The following PRIM2 variants were observed in gnomAD, a reference collection of about 807,000 sequenced individuals.
The protein encoded by PRIM2 is DNA primase subunit 2.
A neutral mutation model predicts 67.3 loss-of-function variants in PRIM2; 39 were observed. That is an observed-to-expected ratio of 0.58 (90% CI 0.45 to 0.76). PRIM2 has a LOEUF of 0.76. Among genes scored for constraint, PRIM2 ranks in the 30% least tolerant of loss-of-function variants. The pLI is 0.00. For synonymous variants in PRIM2, 143 were observed against 198.7 expected (o/e 0.72, Z 2.36); for missense variants, 398 against 598.7 (o/e 0.66, Z 3.50).
intron 11 of PRIM2, among the ~76,000 whole-genome samples, chr6:57,602,212 A>G (rs1194423252): frequency 6.6e-6 from 1 of 152,048 alleles, no homozygotes; most frequent in Non-Finnish European, 1.5e-5. Flanking sequence ...GGCACCTGCC[A>G]CCCTGCCCAG....
At chr6:57,271,185 C>G in the PRIM2 span, among the ~76,000 whole-genome samples, 1 of 152,086 alleles carries the variant, frequency 6.6e-6, no homozygotes, top group South Asian at 2.1e-4. Context: ...ATTCATTGGA[C>G]TAGTTTCAGA....
At chr6:57,485,201 T>C (rs1281720310) in intron 7 of PRIM2, among the ~76,000 whole-genome samples, 15 of 151,838 alleles carry the variant, frequency 9.9e-5, no homozygotes, top group Admixed American at 8.5e-4. Flanking sequence ...TTCACATCCT[T>C]CTGGCCACCG....
rs547521754 is a variant in PRIM2, at chr6:57,390,443, A to G, written c.693+8275A>G. On this transcript the variant is annotated intron_variant, in intron 7 of 13. Coordinates refer to ENST00000615550, the MANE Select transcript of PRIM2 (RefSeq NM_000947.5). ...ACATGCGAAGGTTTGTTACATAGGT[A>G]AACTCATGTCATGGGGGCTTGTTGT... is the stretch of plus-strand genomic sequence containing the variant. Among the ~76,000 whole-genome samples, 94 of 152,118 alleles carry G rather than the reference A, an allele frequency of 6.2e-4. 3 individuals are homozygous for G. The highest frequency in any genetic ancestry group is 4.4e-3 in the South Asian group (21 of 4,802).
At chr6:57,589,244 G>A (rs1263037903) in intron 10 of PRIM2, among the ~76,000 whole-genome samples, 1 of 152,062 alleles carries the variant, frequency 6.6e-6, no homozygotes. Context: ...TCCTTTCTGT[G>A]GTCAGGAAAG....
chr6:57,566,974 A>G (rs1775755437), intron 10 of PRIM2, among the ~76,000 whole-genome samples: 1 of 152,132 alleles, frequency 6.6e-6, no homozygotes, highest in African/African-American at 2.4e-5. Flanking sequence ...TATCTGTCCT[A>G]AAGGGTTGTT....
chr6:57,352,536 G>A (rs1171721037), intron 5 of PRIM2, among the ~76,000 whole-genome samples: 2 of 152,146 alleles, frequency 1.3e-5, no homozygotes, highest in Non-Finnish European at 2.9e-5. Context: ...ACCACGCCCG[G>A]CCTATTAAAG....
chr6:57,345,869 C>T (rs574472169), intron 5 of PRIM2, among the ~76,000 whole-genome samples: 5 of 152,244 alleles, frequency 3.3e-5, no homozygotes, highest in South Asian at 4.1e-4. Context: ...GGACAATTCC[C>T]GGAACTCTGG....
At chr6:57,513,809 G>A (rs1476313111) in intron 8 of PRIM2, among the ~76,000 whole-genome samples, 1 of 152,178 alleles carries the variant, frequency 6.6e-6, no homozygotes, top group Non-Finnish European at 1.5e-5. Context: ...AGGAGGCAGA[G>A]GTTGTAGTGA....
chr6:57,331,767 A>G (rs1768064773), intron 5 of PRIM2, among the ~76,000 whole-genome samples: 1 of 151,606 alleles, frequency 6.6e-6, no homozygotes, highest in South Asian at 2.1e-4. Flanking sequence ...TTCCTTCCTG[A>G]TTTTAACAAT....
chr6:57,544,802 G>C (rs1299649704), intron 10 of PRIM2, among the ~76,000 whole-genome samples: 2 of 152,166 alleles, frequency 1.3e-5, no homozygotes, highest in African/African-American at 4.8e-5. Flanking sequence ...ACCTAGAACA[G>C]TGCCTGACTC....
chr6:57,292,673 G>A, the PRIM2 span, among the ~76,000 whole-genome samples: 5 of 152,198 alleles, frequency 3.3e-5, no homozygotes, highest in East Asian at 3.9e-4. Context: ...AGAGGCCTCC[G>A]AAATAACACC....
chr6:57,429,994 A>C (rs1771764404), intron 7 of PRIM2, among the ~76,000 whole-genome samples: 1 of 152,084 alleles, frequency 6.6e-6, no homozygotes, highest in Admixed American at 6.5e-5. Flanking sequence ...ATTGTTTCTT[A>C]TTTTAGTTCA....
chr6:57,606,485 G>C (rs1475149836), intron 12 of PRIM2, 28 bp downstream of exon 12: 2 of 1,534,056 alleles, frequency 1.3e-6, no homozygotes, highest in African/African-American at 2.7e-5. Context: ...CTCTGCATCT[G>C]CAGTAACGAG....
In PRIM2 at chr6:57,336,916, A is replaced by T. The variant is rs537376609; in HGVS notation, c.459+10871A>T. Among the ~76,000 whole-genome samples the T allele has an allele frequency of 1.1e-4, 17 of 152,206 alleles. No individual in the cohort carries two copies. The South Asian group carries it at 3.3e-3, about 30-fold the overall frequency. On this transcript the variant is annotated intron_variant, in intron 5 of 13. Transcript: ENST00000615550. The stretch of plus-strand genomic sequence containing the variant: ...TCCAATTAAAAGACACAGACTGGCA[A>T]ATTGGATAAAGAGTCAAGACCCATC...
chr6:57,380,185 G>A (rs556262138), intron 6 of PRIM2, among the ~76,000 whole-genome samples, 189 bp downstream of exon 6: 4 of 152,192 alleles, frequency 2.6e-5, no homozygotes, highest in East Asian at 1.9e-4. Flanking sequence ...TTCCACGGAC[G>A]CATTCCCAAC....
intron 8 of PRIM2, among the ~76,000 whole-genome samples, chr6:57,528,191 A>C (rs1248270364): frequency 1.2e-4 from 18 of 148,650 alleles, no homozygotes; most frequent in Non-Finnish European, 2.4e-4. Flanking sequence ...CTGATCTCTA[A>C]CTCCTGGGCT....
At chr6:57,366,141 G>A (rs1769351070) in intron 5 of PRIM2, among the ~76,000 whole-genome samples, 1 of 152,146 alleles carries the variant, frequency 6.6e-6, no homozygotes, top group African/African-American at 2.4e-5. Context: ...CTATGCCTAA[G>A]GAAATCTGGT....
chr6:57,536,897 A>G (rs2127469840), intron 9 of PRIM2, among the ~76,000 whole-genome samples: 1 of 152,304 alleles, frequency 6.6e-6, no homozygotes, highest in African/African-American at 2.4e-5. Flanking sequence ...TGGTGACAGA[A>G]CTGTTCTGCA....
chr6:57,640,232 A>C (rs1175592884), intron 13 of PRIM2, among the ~76,000 whole-genome samples: 1 of 152,190 alleles, frequency 6.6e-6, no homozygotes, highest in Non-Finnish European at 1.5e-5. Flanking sequence ...GATGGCACAT[A>C]TCTCAAAATA....
Sources: allele counts gnomAD v4.1 joint callset (sites outside exome capture counted in the v4.1 genomes callset), GRCh38; gene constraint gnomAD v4.1.1; transcripts MANE v1.5; gene names NCBI Gene and HGNC (gene_info 2026-07-23, HGNC 2026-07-21).